The following PARD3B variants were observed in gnomAD, a reference collection of about 807,000 sequenced individuals.
PARD3B encodes par-3 family cell polarity regulator beta, also known as partitioning defective 3 homolog B.
Under a neutral mutation model 130.2 loss-of-function variants are expected in PARD3B, and 103 were observed. That is an observed-to-expected ratio of 0.79 (90% CI 0.67 to 0.93). The LOEUF (loss-of-function observed/expected upper bound fraction) is 0.93, where lower values mean the gene tolerates loss of function less well. Ranked by LOEUF, PARD3B falls within the 40% of genes least tolerant of loss-of-function variation. PARD3B has a pLI of 0.00. For synonymous variants in PARD3B, 583 were observed against 553.2 expected (o/e 1.05, Z -0.76); for missense variants, 1,609 against 1,499.2 (o/e 1.07, Z -1.21).
rs76471941 is a variant in PARD3B at position 205,078,688 on chromosome 2, A to G, written c.505-25738A>G. Among the ~76,000 whole-genome samples the G allele has an allele frequency of 2.7e-3, 413 of 152,316 alleles. 1 individual carries two copies. The highest frequency in any genetic ancestry group is 9.6e-3 in the African/African-American group (401 of 41,566). ...TCTCTTCTTGAATCTGGACTGGCCCAGTGACTTAATTGAAAATCATAGCGT... is the reference window on the plus strand; with the variant it reads ...TCTCTTCTTGAATCTGGACTGGCCCGGTGACTTAATTGAAAATCATAGCGT... On this transcript the variant is annotated intron_variant, in intron 4 of 22. Coordinates refer to ENST00000406610, the MANE Select transcript of PARD3B (RefSeq NM_001302769.2). This position sits in a 1 kb window ranked among gnomAD's most constrained non-coding sequence, Gnocchi z 4.0.
chr2:204,786,627 T>G (rs1271786645), intron 2 of PARD3B, among the ~76,000 whole-genome samples: 1 of 151,782 alleles, frequency 6.6e-6, no homozygotes, highest in African/African-American at 2.4e-5. Context: ...TTGTCCTGTT[T>G]CCCCTTGTCA....
chr2:205,104,480 C>T lies in PARD3B; in HGVS notation c.559C>T (p.Leu187=), dbSNP rs776625613. 4 of 1,598,414 alleles carry T rather than the reference C, an allele frequency of 2.5e-6. No individual in the cohort carries two copies. In the Admixed American group the frequency reaches 5.0e-5, roughly 20 times the overall value. The change falls in exon 5 of 23, where the codon CTA becomes TTA. Residue 187 remains leucine (L), a synonymous_variant. Transcript: ENST00000406610. Reference sequence around the variant, plus strand: ...AGTTTTGAATGGTGTACAGACAGAACTACTAACTTCGCCAAGAACTAAGGA... The same window carrying T: ...AGTTTTGAATGGTGTACAGACAGAATTACTAACTTCGCCAAGAACTAAGGA... The part of the protein sequence containing the change: ...REVLNGVQTE[L]LTSPRTKDTL...
At chr2:204,697,025 A>G (rs1364898909) in intron 2 of PARD3B, among the ~76,000 whole-genome samples, 9 of 152,108 alleles carry the variant, frequency 5.9e-5, no homozygotes, top group Admixed American at 2.6e-4. Flanking sequence ...CAGAAAGACT[A>G]CAAAATAATA....
chr2:205,073,870 T>C (rs1452059209), intron 4 of PARD3B, among the ~76,000 whole-genome samples: 2 of 152,174 alleles, frequency 1.3e-5, no homozygotes, highest in African/African-American at 2.4e-5. Flanking sequence ...TGTTTTGTAG[T>C]TTCACTGCTT....
chr2:204,796,127 T>C (rs987498361), intron 2 of PARD3B, among the ~76,000 whole-genome samples: 1 of 152,214 alleles, frequency 6.6e-6, no homozygotes, highest in Admixed American at 6.5e-5. Context: ...TGTGATATAA[T>C]ATATGCCGTG....
chr2:205,234,791 T>C (rs1192972401), intron 15 of PARD3B, among the ~76,000 whole-genome samples: 2 of 152,272 alleles, frequency 1.3e-5, no homozygotes, highest in Non-Finnish European at 2.9e-5. Context: ...TTCTGGACTA[T>C]TAAAAAGTCT....
At chr2:205,399,490 G>T (rs987268321) in intron 18 of PARD3B, among the ~76,000 whole-genome samples, 1 of 151,204 alleles carries the variant, frequency 6.6e-6, no homozygotes, top group Non-Finnish European at 1.5e-5. Flanking sequence ...GAGTAACTGG[G>T]ACTACAGGCA....
At chr2:205,373,769 A>G (rs1350541344) in intron 18 of PARD3B, among the ~76,000 whole-genome samples, 1 of 152,214 alleles carries the variant, frequency 6.6e-6, no homozygotes, top group Non-Finnish European at 1.5e-5. Context: ...AAACCCACTT[A>G]GTATCCAGTA....
rs759337249 is a variant in PARD3B, at chr2:204,907,701, C to CTTGTT, written c.223-57438_223-57434dup. Among the ~76,000 whole-genome samples, 1 of 151,336 alleles carries CTTGTT rather than the reference C, an allele frequency of 6.6e-6. No homozygotes were observed. The highest frequency in any genetic ancestry group is 1.5e-5 in the Non-Finnish European group (1 of 67,846). ...TTTCTATAAAGAGTGGTTTTTTTGT[C>CTTGTT]TTGTTTTGTTTTGTTTTTGACACAG... On this transcript the variant is annotated intron_variant, in intron 2 of 22. Coordinates refer to ENST00000406610, the MANE Select transcript of PARD3B (RefSeq NM_001302769.2). This position sits in a 1 kb window ranked among gnomAD's most constrained non-coding sequence, Gnocchi z 5.7.
rs193278018 is a variant in PARD3B at position 204,596,847 on chromosome 2, G to A, written c.120+50728G>A. On this transcript the variant is annotated intron_variant, in intron 1 of 22. Coordinates refer to ENST00000406610, the MANE Select transcript of PARD3B (RefSeq NM_001302769.2). ...GCAGGAGAATTGCTTGAACCCGGGA[G>A]GCAGAGGTTGCTGTGAGGTGAGATG... Among the ~76,000 whole-genome samples the A allele has an allele frequency of 3.1e-3, 477 of 152,084 alleles. 5 individuals are homozygous for A. Among genetic ancestry groups the A allele is most frequent in the African/African-American group, 0.011 (449 of 41,476 alleles).
At chr2:204,750,650 A>C (rs754045902) in intron 2 of PARD3B, among the ~76,000 whole-genome samples, 7 of 152,106 alleles carry the variant, frequency 4.6e-5, no homozygotes, top group Non-Finnish European at 8.8e-5. Context: ...ACATACATAC[A>C]TACATAAAAG....
Position 204,545,888 on chromosome 2 carries a change from GCGCCCCGGGTCTCTGGGCCCACC to G in PARD3B, c.-102_-80del. 2.4e-6 allele frequency: 3 copies of G among 1,233,994 alleles called. No individual in the cohort carries two copies. Among genetic ancestry groups the G allele is most frequent in the Non-Finnish European group, 3.2e-6 (3 of 937,812 alleles). 76.4% of individuals were successfully genotyped at this position (1,233,994 alleles called of 1,614,324 possible). On this transcript the variant is annotated 5_prime_UTR_variant, in exon 1 of 23. Transcript: ENST00000406610. ...GGGCCTCAGGGTGTTCCGGGGAGCG[GCGCCCCGGGTCTCTGGGCCCACC>G]CGCCCCGGGCGTCCTCCGAGAGTGG...
chr2:205,168,308 A>T (rs1338975333), intron 11 of PARD3B, among the ~76,000 whole-genome samples: 5 of 120,168 alleles, frequency 4.2e-5, no homozygotes, highest in African/African-American at 1.5e-4. Flanking sequence ...AGAGAGAGAG[A>T]GAGAGAGAGA....
chr2:204,859,088 A>G (rs2125623278), intron 2 of PARD3B, among the ~76,000 whole-genome samples: 1 of 152,014 alleles, frequency 6.6e-6, no homozygotes, highest in East Asian at 1.9e-4. Context: ...TGTTTATTAA[A>G]TATAGTATGC....
intron 2 of PARD3B, among the ~76,000 whole-genome samples, chr2:204,688,984 A>G (rs2037228502): frequency 1.3e-5 from 2 of 152,182 alleles, no homozygotes; most frequent in Admixed American, 1.3e-4. Flanking sequence ...GAGAAGTGGC[A>G]TTAAGGAACT....
intron 2 of PARD3B, among the ~76,000 whole-genome samples, chr2:204,956,291 A>T (rs1049381934): frequency 3.9e-5 from 6 of 152,294 alleles, no homozygotes; most frequent in South Asian, 4.1e-4. Flanking sequence ...TAGAGAGAAG[A>T]AGTTGTAGGG....
intron 1 of PARD3B, among the ~76,000 whole-genome samples, chr2:204,671,614 T>C (rs1040622621): frequency 6.6e-5 from 10 of 152,210 alleles, no homozygotes; most frequent in Non-Finnish European, 1.5e-5. Flanking sequence ...GTTACAGATA[T>C]CTGCTACTTC....
rs575827056 is a variant in PARD3B, at chr2:204,880,762, T to C, written c.223-84390T>C. Among the ~76,000 whole-genome samples, 5 of 151,730 alleles carry C rather than the reference T, an allele frequency of 3.3e-5. No individual in the cohort carries two copies. The South Asian group carries it at 1.0e-3, about 32-fold the overall frequency. ...GGGCTGCACACAAATGACTTTTGCATGGACAGGATATCTGGTCTAACTACT... is the reference window on the plus strand; with the variant it reads ...GGGCTGCACACAAATGACTTTTGCACGGACAGGATATCTGGTCTAACTACT... On this transcript the variant is annotated intron_variant, in intron 2 of 22. Coordinates refer to ENST00000406610, the MANE Select transcript of PARD3B (RefSeq NM_001302769.2).
chr2:204,588,517 G>A (rs2032934285), intron 1 of PARD3B, among the ~76,000 whole-genome samples: 1 of 151,990 alleles, frequency 6.6e-6, no homozygotes, highest in Admixed American at 6.6e-5. Flanking sequence ...TGGGCTTTTG[G>A]TTTCTTTTAC....
Sources: allele counts gnomAD v4.1 joint callset (sites outside exome capture counted in the v4.1 genomes callset), GRCh38; gene constraint gnomAD v4.1.1; non-coding constraint Gnocchi (gnomAD v3.1); transcripts MANE v1.5; gene names NCBI Gene and HGNC (gene_info 2026-07-23, HGNC 2026-07-21).